ADAM12: variants seen among roughly 807,000 people sequenced by gnomAD.
The protein encoded by ADAM12 is disintegrin and metalloproteinase domain-containing protein 12.
In ADAM12, 70 loss-of-function variants were observed where a neutral mutation model predicts 106.4. That is an observed-to-expected ratio of 0.66 (90% confidence interval 0.54 to 0.80). ADAM12 has a LOEUF of 0.80. ADAM12 is among the 30% of genes least tolerant of loss of function. The pLI is 0.00. For synonymous variants in ADAM12, 420 were observed against 433.5 expected (o/e 0.97, Z 0.39); for missense variants, 1,010 against 1,171.9 (o/e 0.86, Z 2.02).
chr10:126,198,753 C>A (rs958852762), intron 3 of ADAM12, among the ~76,000 whole-genome samples: 2 of 152,208 alleles, frequency 1.3e-5, no homozygotes, highest in Non-Finnish European at 2.9e-5. Context: ...TTAAACCTGA[C>A]AATATGCTCT....
intron 3 of ADAM12, among the ~76,000 whole-genome samples, chr10:126,231,241 T>C (rs1324905578): frequency 6.6e-6 from 1 of 152,224 alleles, no homozygotes; most frequent in Non-Finnish European, 1.5e-5. Flanking sequence ...ATTTAAAGTT[T>C]GCGAGAAACT....
At chr10:126,160,379 C>G (rs943465294) in intron 3 of ADAM12, among the ~76,000 whole-genome samples, 1 of 152,176 alleles carries the variant, frequency 6.6e-6, no homozygotes, top group Non-Finnish European at 1.5e-5. Flanking sequence ...CAACTCCCCC[C>G]TCTCCAAAAA....
intron 5 of ADAM12, among the ~76,000 whole-genome samples, chr10:126,130,027 C>G (rs1956275346): frequency 6.6e-6 from 1 of 152,198 alleles, no homozygotes. Context: ...CGCTGCAAAA[C>G]TGGAATCTGT....
At chr10:126,105,167 T>C (rs1446501115) in intron 8 of ADAM12, among the ~76,000 whole-genome samples, 1 of 152,212 alleles carries the variant, frequency 6.6e-6, no homozygotes, top group Non-Finnish European at 1.5e-5. Flanking sequence ...GTTAGGACTT[T>C]TCCGAGGCAC....
At chr10:126,229,710 A>C in intron 3 of ADAM12, among the ~76,000 whole-genome samples, 2 of 129,446 alleles carry the variant, frequency 1.5e-5, no homozygotes. Context: ...CCTTCCACTC[A>C]CTCTTTCTCC....
intron 3 of ADAM12, among the ~76,000 whole-genome samples, chr10:126,201,024 G>C (rs749872720): frequency 3.3e-5 from 5 of 152,166 alleles, no homozygotes; most frequent in Admixed American, 6.5e-5. Flanking sequence ...CTAGAAAGGT[G>C]GGGTTGTCCA....
intron 1 of ADAM12, among the ~76,000 whole-genome samples, chr10:126,349,809 T>C (rs1274721502): frequency 6.6e-6 from 1 of 152,182 alleles, no homozygotes; most frequent in African/African-American, 2.4e-5. Context: ...ACAATGCAAA[T>C]ACTATTACAT....
intron 3 of ADAM12, among the ~76,000 whole-genome samples, chr10:126,185,432 CT>C (rs2133791782): frequency 6.6e-6 from 1 of 152,072 alleles, no homozygotes; most frequent in Non-Finnish European, 1.5e-5. Flanking sequence ...AATGCTCCCA[CT>C]TTGCAAGAGT....
intron 2 of ADAM12, among the ~76,000 whole-genome samples, chr10:126,297,942 C>T (rs1245138746): frequency 6.6e-6 from 1 of 151,950 alleles, no homozygotes; most frequent in African/African-American, 2.4e-5. Context: ...GAAATGAGGG[C>T]CTGCGAAGAG....
At chr10:126,065,075 C>A in intron 13 of ADAM12, 74 bp from the exon 14 acceptor site, 3 of 1,469,716 alleles carry the variant, frequency 2.0e-6, no homozygotes, top group South Asian at 1.4e-5. Flanking sequence ...TACTCCTGGG[C>A]TGGAGTGGAC....
intron 2 of ADAM12, among the ~76,000 whole-genome samples, chr10:126,285,437 A>T (rs1203873155): frequency 2.0e-5 from 3 of 152,232 alleles, no homozygotes; most frequent in Admixed American, 2.0e-4. Flanking sequence ...GCATGCAGGC[A>T]TGTGCATGAA....
At chr10:126,259,446 G>A (rs917078767) in intron 3 of ADAM12, among the ~76,000 whole-genome samples, 2 of 152,138 alleles carry the variant, frequency 1.3e-5, no homozygotes, top group African/African-American at 2.4e-5. Context: ...TGCAAAGTTT[G>A]TTTACTGAAA....
chr10:126,312,349 T>C (rs1961146907), intron 2 of ADAM12, among the ~76,000 whole-genome samples: 2 of 152,158 alleles, frequency 1.3e-5, no homozygotes, highest in African/African-American at 4.8e-5. Flanking sequence ...CTCCAACACC[T>C]GGGTTCTGTC....
chr10:126,332,361 G>A (rs934124913), intron 1 of ADAM12, among the ~76,000 whole-genome samples: 3 of 152,184 alleles, frequency 2.0e-5, no homozygotes, highest in African/African-American at 7.2e-5. Context: ...GCATTTCAGA[G>A]AGGGACGTAG....
chr10:126,249,636 G>A (rs1049962434), intron 3 of ADAM12, among the ~76,000 whole-genome samples: 6 of 152,068 alleles, frequency 3.9e-5, no homozygotes, highest in African/African-American at 7.2e-5. Flanking sequence ...CCCGGGAGGC[G>A]GAGCTTGCAG....
At chr10:126,328,203 T>C (rs1776467558) in intron 2 of ADAM12, among the ~76,000 whole-genome samples, 1 of 152,264 alleles carries the variant, frequency 6.6e-6, no homozygotes, top group Non-Finnish European at 1.5e-5. Flanking sequence ...AGAAAGCGTG[T>C]CTGCCTTCTG....
intron 11 of ADAM12, among the ~76,000 whole-genome samples, chr10:126,083,547 C>A (rs557903620): frequency 2.0e-5 from 3 of 152,370 alleles, no homozygotes; most frequent in East Asian, 3.9e-4. Flanking sequence ...AGGTTCTACA[C>A]TTCCTTCCAG....
At chr10:126,146,552 CA>C (rs1326389406) in intron 4 of ADAM12, among the ~76,000 whole-genome samples, 1 of 152,146 alleles carries the variant, frequency 6.6e-6, no homozygotes, top group African/African-American at 2.4e-5. Context: ...CAGCTATCAC[CA>C]GACCCCCAGC....
At chr10:126,166,189 T>G (rs929608850) in intron 3 of ADAM12, among the ~76,000 whole-genome samples, 1 of 152,204 alleles carries the variant, frequency 6.6e-6, no homozygotes, top group Non-Finnish European at 1.5e-5. Context: ...CACTGAGACA[T>G]GCTGTTATGA....
Sources: allele counts gnomAD v4.1 joint callset (sites outside exome capture counted in the v4.1 genomes callset), GRCh38; gene constraint gnomAD v4.1.1; transcripts MANE v1.5; gene names NCBI Gene and HGNC (gene_info 2026-07-23, HGNC 2026-07-21).